The following ADGRF5 variants were observed in gnomAD, a reference collection of about 807,000 sequenced individuals.
ADGRF5 encodes G-protein coupled receptor 116.
ADGRF5 carries 75 observed loss-of-function variants against 132.3 expected under a neutral mutation model. The ratio of observed to expected loss-of-function variants is 0.57; its 90% CI spans 0.47 to 0.69. ADGRF5 has a LOEUF of 0.69. Among genes scored for constraint, ADGRF5 ranks in the 30% least tolerant of loss-of-function variants. The pLI is 0.00. For missense variants in ADGRF5, 1,516 were observed against 1,630.6 expected (o/e 0.93, Z 1.21); for synonymous variants, 629 against 597.6 (o/e 1.05, Z -0.77).
At chr6:46,901,344 G>T (rs912503954) in intron 2 of ADGRF5, among the ~76,000 whole-genome samples, 3 of 151,944 alleles carry the variant, frequency 2.0e-5, no homozygotes, top group African/African-American at 7.3e-5. Context: ...CAATAGAAAA[G>T]CCCCATCTCT....
intron 10 of ADGRF5, among the ~76,000 whole-genome samples, chr6:46,874,719 AG>A (rs1271286465): frequency 6.6e-6 from 1 of 152,092 alleles, no homozygotes; most frequent in South Asian, 2.1e-4. Context: ...GGCTGTGTTG[AG>A]GGGGGTGGAA....
upstream of ADGRF5, among the ~76,000 whole-genome samples, chr6:46,926,689 C>T (rs936159172): frequency 5.3e-5 from 8 of 152,152 alleles, no homozygotes; most frequent in African/African-American, 1.4e-4. Context: ...GTATGAAATA[C>T]GTCACCCACA....
intron 3 of ADGRF5, among the ~76,000 whole-genome samples, chr6:46,889,437 T>C (rs1773407307): frequency 1.4e-5 from 2 of 147,336 alleles, no homozygotes; most frequent in African/African-American, 4.9e-5. Flanking sequence ...GACTATAGTC[T>C]TTATATAGTA....
chr6:46,921,945 G>A (rs1776990544), upstream of ADGRF5: 1 of 152,216 alleles, frequency 6.6e-6, no homozygotes. Flanking sequence ...AGTCATCCCT[G>A]AGAGCCGCGC....
In ADGRF5 at chr6:46,859,084, A is replaced by G. The variant is rs1295953976; in HGVS notation, c.2819T>C (p.Met940Thr). The change falls in exon 17 of 21, where the codon ATG (methionine) becomes ACG (threonine). Residue 940 changes from methionine to threonine, a missense_variant. Physicochemically the swap from Met to Thr is moderately conservative, Grantham distance 81. Transcript: ENST00000283296. ...TGAAGGGCTATTGTTCTTAAAAGTC[A>G]TTGAAATCCTGAATGGCATAGTTGT... Reference protein sequence around the residue: ...HNTTMPFRISMTFKNNSPSGG... With the variant: ...HNTTMPFRISTTFKNNSPSGG... 1 of 1,613,968 alleles carries G rather than the reference A, an allele frequency of 6.2e-7. No homozygotes were observed. The highest frequency in any genetic ancestry group is 8.5e-7 in the Non-Finnish European group (1 of 1,179,924).
chr6:46,880,038 A>G lies in ADGRF5; in HGVS notation c.816T>C (p.Asn272=). ...CTGGTGTGACAAAGAAATTGCTTTCATCTGGAAACCCAAAGAAAAGTTAAT... is the reference window on the plus strand; with the variant it reads ...CTGGTGTGACAAAGAAATTGCTTTCGTCTGGAAACCCAAAGAAAAGTTAAT... ...DYNSFQAVTI[N]ESNFFVTPEI... The change falls in exon 9 of 21, where the codon AAT becomes AAC. Residue 272 remains asparagine (N), a splice_region_variant and synonymous_variant. Transcript: ENST00000283296. The G allele has an allele frequency of 1.2e-6, 2 of 1,611,022 alleles. No homozygotes were observed. The highest frequency in any genetic ancestry group is 1.7e-6 in the Non-Finnish European group (2 of 1,177,158).
intron 11 of ADGRF5, 175 bp from the exon 12 acceptor site, chr6:46,869,267 C>A: frequency 6.9e-7 from 1 of 1,443,688 alleles, no homozygotes; most frequent in South Asian, 1.5e-5. Flanking sequence ...CTGGGCTTTA[C>A]TCGTTTCTAG....
At position 46,879,304 on chromosome 6, in the gene ADGRF5, C is replaced by T. The variant is rs558719684; in HGVS notation, c.1036+514G>A. 4.6e-5 allele frequency among the ~76,000 whole-genome samples: 7 copies of T among 151,866 alleles called. 1 individual carries two copies. In the South Asian group the frequency reaches 1.5e-3, roughly 32 times the overall value. On this transcript the variant is annotated intron_variant, in intron 9 of 20. Coordinates refer to ENST00000283296, the MANE Select transcript of ADGRF5 (RefSeq NM_001098518.2). The stretch of plus-strand genomic sequence containing the variant: ...AATACCACGGTGATATGATTTGGCT[C>T]TGTGTCCCCTCCCAAATCTCATGTC...
intron 2 of ADGRF5, among the ~76,000 whole-genome samples, chr6:46,904,462 A>G (rs1289049615): frequency 1.3e-5 from 2 of 152,342 alleles, no homozygotes; most frequent in African/African-American, 2.4e-5. Flanking sequence ...GACAAATACT[A>G]TATGATTCCA....
At position 46,867,054 on chromosome 6, in the gene ADGRF5, G is replaced by T; in HGVS notation, c.1705C>A (p.Leu569Met). ...DVIVHPLPLKLNIMVDPLEAT... is the reference protein window; with the variant it reads ...DVIVHPLPLKMNIMVDPLEAT... ...TCCAAAGGATCAACCATGATGTTCA[G>T]CTTTAGAGGCAGCGGGTGAACAATG... The change falls in exon 13 of 21, where the codon CTG (leucine) becomes ATG (methionine). Residue 569 changes from leucine to methionine, a missense_variant. Leu to Met is a conservative substitution (Grantham distance 15). Transcript: ENST00000283296. The T allele has an allele frequency of 6.2e-7, 1 of 1,613,376 alleles. No individual in the cohort carries two copies. Among genetic ancestry groups the T allele is most frequent in the Non-Finnish European group, 8.5e-7 (1 of 1,179,282 alleles).
intron 3 of ADGRF5, among the ~76,000 whole-genome samples, chr6:46,898,939 C>T (rs1327564350): frequency 6.6e-6 from 1 of 152,168 alleles, no homozygotes; most frequent in East Asian, 1.9e-4. Context: ...TCTATTCGCT[C>T]ACTGGTTGAG....
chr6:46,941,265 G>A (rs748260440), intron 1 of ADGRF5, among the ~76,000 whole-genome samples: 24 of 151,880 alleles, frequency 1.6e-4, no homozygotes, highest in Non-Finnish European at 2.9e-4. Flanking sequence ...ACTAATTTCA[G>A]GCTGCAGTGA....
Position 46,858,960 on chromosome 6 carries a change from G to A in ADGRF5, c.2943C>T (p.Asp981=). ...GGTGGTCACAGATACAGGTGACATT[G>A]TCCCCATCACCTTCTTCTACATAGC... ...SGCYVEEGDG[D]NVTCICDHLT... The change falls in exon 17 of 21, where the codon GAC becomes GAT. Residue 981 remains aspartate (D), a synonymous_variant. Coordinates refer to ENST00000283296, the MANE Select transcript of ADGRF5 (RefSeq NM_001098518.2). 4 of 1,613,584 alleles carry A rather than the reference G, an allele frequency of 2.5e-6. No homozygotes were observed. The highest frequency in any genetic ancestry group is 3.4e-6 in the Non-Finnish European group (4 of 1,179,546).
intron 1 of ADGRF5, among the ~76,000 whole-genome samples, chr6:46,941,441 GAAA>G (rs1239391794): frequency 1.9e-4 from 9 of 47,608 alleles, no homozygotes; most frequent in African/African-American, 3.0e-4. Context: ...GAAAAGAAAA[GAAA>G]AGAAAAGAAA....
chr6:46,871,912 T>A lies in ADGRF5; in HGVS notation c.1342A>T (p.Thr448Ser), dbSNP rs895519556. ...SGSSGTTVIY[T>S]CEFISAYGAR... ...CCATAGGCACTGATGAACTCACAAG[T>A]GTAGATGACTGTTGTTCCAGACGAC... The change falls in exon 11 of 21, where the codon ACT becomes TCT. Residue 448 changes from threonine (T) to serine (S), a missense_variant. Around this residue, in one of 2 missense-constraint regions of ADGRF5, gnomAD observed 945 missense variants for 929.4 expected, o/e 1.02. Transcript: ENST00000283296. The A allele has an allele frequency of 1.2e-6, 2 of 1,613,188 alleles. No individual in the cohort carries two copies. The highest frequency in any genetic ancestry group is 2.7e-5 in the African/African-American group (2 of 74,890).
chr6:46,863,196 A>G lies in ADGRF5; in HGVS notation c.1991-100T>C, dbSNP rs751678447. ...GTAGAATTTTGATGTTTGAATTCAC[A>G]TTTACCTTTACTTTCCGTCACCTTT... On this transcript the variant is annotated intron_variant, in intron 14 of 20. Coordinates refer to ENST00000283296, the MANE Select transcript of ADGRF5 (RefSeq NM_001098518.2). 1.2e-5 allele frequency: 11 copies of G among 906,166 alleles called. No individual in the cohort carries two copies. The African/African-American group carries it at 1.6e-4, about 13-fold the overall frequency. 56.1% of individuals were successfully genotyped at this position (906,166 alleles called of 1,614,324 possible).
intron 3 of ADGRF5, among the ~76,000 whole-genome samples, chr6:46,889,697 T>C (rs1362978657): frequency 2.0e-5 from 3 of 147,820 alleles, no homozygotes; most frequent in Non-Finnish European, 4.5e-5. Context: ...ATATTTAGAC[T>C]GTCTAGTCTA....
chr6:46,886,640 A>C (rs748888194), intron 4 of ADGRF5: 1 of 152,192 alleles, frequency 6.6e-6, no homozygotes, highest in Admixed American at 6.5e-5. Context: ...TGCCATTACT[A>C]AAAAAGGATC....
intron 10 of ADGRF5, among the ~76,000 whole-genome samples, chr6:46,877,279 CTTTCTTTCTT>C (rs1338939155): frequency 0.034 from 1,648 of 47,878 alleles, 14 homozygotes; most frequent in African/African-American, 0.039. Flanking sequence ...TTCTTTCTTT[CTTTCTTTCTT>C]TCTCTCTCTC....
Sources: allele counts gnomAD v4.1 joint callset (sites outside exome capture counted in the v4.1 genomes callset), GRCh38; gene constraint gnomAD v4.1.1; regional missense constraint gnomAD v4.1.1; transcripts MANE v1.5; gene names NCBI Gene and HGNC (gene_info 2026-07-23, HGNC 2026-07-21).